The following CECR2 variants were observed in gnomAD, a reference collection of about 807,000 sequenced individuals.
The protein encoded by CECR2 is CECR2 histone acetyl-lysine reader.
A neutral mutation model predicts 154.5 loss-of-function variants in CECR2; 30 were observed. That is an observed-to-expected ratio of 0.19 (90% confidence interval 0.15 to 0.26). CECR2 has a LOEUF of 0.26. CECR2 is among the 10% of genes least tolerant of loss of function. CECR2 has a pLI of 1.00. For missense variants in CECR2, 1,743 were observed against 1,829.3 expected, an observed-to-expected ratio of 0.95 and a Z score of 0.86; for synonymous variants, 725 against 683.7, an observed-to-expected ratio of 1.06 and a Z score of -0.94.
intron 1 of CECR2, among the ~76,000 whole-genome samples, chr22:17,401,811 G>A (rs2053896396): frequency 6.7e-6 from 1 of 149,982 alleles, no homozygotes; most frequent in Admixed American, 6.7e-5. Flanking sequence ...GGGTCATATG[G>A]TAGGTGAATA....
intron 4 of CECR2, 85 bp from the exon 5 acceptor site, chr22:17,500,546 C>A (rs1006576550): frequency 6.9e-6 from 7 of 1,008,042 alleles, no homozygotes; most frequent in Non-Finnish European, 1.0e-5. Context: ...TTTTGGTAAT[C>A]TCATGGCCAG....
chr22:17,498,391 T>TAA (rs11376543), intron 3 of CECR2, among the ~76,000 whole-genome samples: 20,152 of 145,676 alleles, frequency 0.14, 1,521 homozygotes, highest in Non-Finnish European at 0.18. Context: ...ACTCCGTCTT[T>TAA]AAAAAAAAAA....
chr22:17,454,961 A>G (rs1305654024), intron 1 of CECR2, among the ~76,000 whole-genome samples: 1 of 152,226 alleles, frequency 6.6e-6, no homozygotes, highest in Non-Finnish European at 1.5e-5. Flanking sequence ...AGACAGGGTC[A>G]TTTATAACCT....
chr22:17,504,444 T>C (rs1295373861), intron 6 of CECR2, among the ~76,000 whole-genome samples: 1 of 151,748 alleles, frequency 6.6e-6, no homozygotes, highest in East Asian at 1.9e-4. Flanking sequence ...TTTTTATTTA[T>C]TTATTTATTT....
chr22:17,378,335 T>C (rs1300575033), intron 1 of CECR2, among the ~76,000 whole-genome samples: 2 of 150,796 alleles, frequency 1.3e-5, no homozygotes, highest in Non-Finnish European at 2.9e-5. Context: ...TTTGCTCTGT[T>C]GTCCAGGCTG....
chr22:17,388,437 A>C (rs1257892646), intron 1 of CECR2, among the ~76,000 whole-genome samples: 1 of 152,168 alleles, frequency 6.6e-6, no homozygotes, highest in African/African-American at 2.4e-5. Flanking sequence ...CGATTTACCC[A>C]AGGCCGCATG....
chr22:17,367,722 T>C (rs895071706), upstream of CECR2, among the ~76,000 whole-genome samples: 1 of 152,116 alleles, frequency 6.6e-6, no homozygotes, highest in Admixed American at 6.5e-5. Context: ...AAAGTCAAAC[T>C]GTGAGGAAAT....
chr22:17,545,838 G>A (rs1219054257), intron 16 of CECR2, among the ~76,000 whole-genome samples: 5 of 126,328 alleles, frequency 4.0e-5, no homozygotes, highest in East Asian at 2.2e-4. Context: ...GCAAGACTCC[G>A]TCTCAAAAAA....
At chr22:17,445,161 G>A (rs1033232073) in intron 1 of CECR2, among the ~76,000 whole-genome samples, 1 of 152,052 alleles carries the variant, frequency 6.6e-6, no homozygotes, top group Non-Finnish European at 1.5e-5. Context: ...TGTATGTAAG[G>A]GAAGCATTAT....
intron 1 of CECR2, among the ~76,000 whole-genome samples, chr22:17,426,494 C>T (rs1481327266): frequency 2.0e-5 from 3 of 152,160 alleles, no homozygotes; most frequent in Non-Finnish European, 4.4e-5. Flanking sequence ...GTAGCTGCGA[C>T]TGCAGGCATG....
At chr22:17,360,724 A>G (rs984325396) in intron 1 of CECR2, among the ~76,000 whole-genome samples, 7 of 151,852 alleles carry the variant, frequency 4.6e-5, no homozygotes, top group African/African-American at 1.7e-4. Context: ...ATGTGCCTGT[A>G]ATCCCAGCTA....
chr22:17,431,132 A>C (rs973862336), intron 1 of CECR2, among the ~76,000 whole-genome samples: 1 of 152,192 alleles, frequency 6.6e-6, no homozygotes, highest in Non-Finnish European at 1.5e-5. Flanking sequence ...GTTTTTGCTA[A>C]AGCTGGGGTA....
At position 17,540,766 on chromosome 22, in the gene CECR2, G is replaced by A; in HGVS notation, c.1850G>A (p.Gly617Glu). The stretch of plus-strand genomic sequence containing the variant: ...TTTTCTCATCCCCTGCATTGTGGTG[G>A]GACACCCAGCCAGGCACCCTTTTTA... ...RGFSHPLHCG[G>E]TPSQAPFLNQ... Residue 617 changes from glycine to glutamate, a missense_variant, in exon 14 of 19, where the codon GGG (glycine) becomes GAG (glutamate). Physicochemically the swap from Gly to Glu is moderately conservative, Grantham distance 98 (BLOSUM62 -2). Transcript: ENST00000262608. 2 of 1,594,326 alleles carry A rather than the reference G, an allele frequency of 1.3e-6. No homozygotes were observed. The highest frequency in any genetic ancestry group is 1.7e-6 in the Non-Finnish European group (2 of 1,169,796).
At chr22:17,445,616 G>A (rs542293141) in intron 1 of CECR2, among the ~76,000 whole-genome samples, 4 of 150,258 alleles carry the variant, frequency 2.7e-5, no homozygotes, top group East Asian at 1.9e-4. Context: ...TCACCCTGTC[G>A]CCCAGGCTGG....
At position 17,539,703 on chromosome 22, in the gene CECR2, G is replaced by C. The variant is rs2056492060; in HGVS notation, c.1495+584G>C. Among the ~76,000 whole-genome samples, 4 of 151,852 alleles carry C rather than the reference G, an allele frequency of 2.6e-5. No homozygotes were observed. In the South Asian group the frequency reaches 8.3e-4, roughly 31 times the overall value. On this transcript the variant is annotated intron_variant, in intron 13 of 18. Coordinates refer to ENST00000262608, the MANE Select transcript of CECR2 (RefSeq NM_001290047.2). ...CTATATATATAAAAAAAAGGAAATG[G>C]CTCTTTCTACTTTGGGTCATTTATG... is the stretch of plus-strand genomic sequence containing the variant.
rs566249294 is a variant in CECR2, at chr22:17,507,266, G to C, written c.870+2250G>C. 7.9e-4 allele frequency among the ~76,000 whole-genome samples: 120 copies of C among 152,266 alleles called. 1 individual carries two copies. The highest frequency in any genetic ancestry group is 3.5e-3 in the Admixed American group (53 of 15,288). On this transcript the variant is annotated intron_variant, in intron 7 of 18. Transcript: ENST00000262608. The stretch of plus-strand genomic sequence containing the variant: ...CGGGAACTTACAAACAGTGCTTCAA[G>C]ACTTCCGCCGTCCTGGATGATCCAG...
intron 8 of CECR2, among the ~76,000 whole-genome samples, chr22:17,520,061 T>C (rs2056130320): frequency 6.6e-6 from 1 of 152,152 alleles, no homozygotes; most frequent in Non-Finnish European, 1.5e-5. Context: ...GGTGCTGAGA[T>C]TACAGGCGTG....
chr22:17,539,394 G>A (rs968634056), intron 13 of CECR2, among the ~76,000 whole-genome samples: 2 of 152,112 alleles, frequency 1.3e-5, no homozygotes, highest in Non-Finnish European at 1.5e-5. Flanking sequence ...TTTAACCACC[G>A]AGGGGACTGA....
In CECR2 at chr22:17,404,368, CTTTTTTT is replaced by C. The variant is rs1161498081; in HGVS notation, c.126+34476_126+34482del. 1.4e-4 allele frequency among the ~76,000 whole-genome samples: 4 copies of C among 28,722 alleles called. No homozygotes were observed. In the South Asian group the frequency reaches 3.0e-3, roughly 22 times the overall value. 18.8% of individuals were successfully genotyped at this position (28,722 alleles called of 152,430 possible). ...GGTTCATTTCTGGACCCTGTTCTTT[CTTTTTTT>C]TTTTTTTTTTTTTTTTGAGACGGAG... On this transcript the variant is annotated intron_variant, in intron 1 of 18. Transcript: ENST00000262608.
Sources: gnomAD v4.1 joint callset for allele counts (sites outside exome capture counted in the v4.1 genomes callset) on GRCh38, gnomAD v4.1.1 for gene constraint, MANE v1.5 for transcripts, NCBI Gene and HGNC (gene_info 2026-07-23, HGNC 2026-07-21) for gene names.